Variants in DSEL observed in about 807,000 individuals in gnomAD.
The protein encoded by DSEL is dermatan-sulfate epimerase-like protein.
DSEL carries 61 observed loss-of-function variants against 96.6 expected under a neutral mutation model. The ratio of observed to expected loss-of-function variants is 0.63; its 90% CI spans 0.51 to 0.78. The LOEUF (loss-of-function observed/expected upper bound fraction) is 0.78, where lower values mean the gene tolerates loss of function less well. Among genes scored for constraint, DSEL ranks in the 30% least tolerant of loss-of-function variants. The pLI, the probability that DSEL is intolerant of heterozygous loss-of-function variation, is 0.00. For synonymous variants in DSEL, 514 were observed against 502.0 expected (o/e 1.02, Z -0.32); for missense variants, 1,320 against 1,430.8 (o/e 0.92, Z 1.25).
chr18:67,512,048 T>A lies in DSEL; in HGVS notation c.2561A>T (p.Asp854Val). 1.2e-6 allele frequency: 2 copies of A among 1,614,092 alleles called. No individual in the cohort carries two copies. Among genetic ancestry groups the A allele is most frequent in the Non-Finnish European group, 8.5e-7 (1 of 1,180,016 alleles). The change falls in exon 2 of 2, where the codon GAT (aspartate) becomes GTT (valine). Residue 854 changes from aspartate to valine, a missense_variant. Asp to Val is a radical substitution (Grantham distance 152). Around this residue, in one of 3 missense-constraint regions of DSEL, gnomAD observed 986 missense variants for 1,066.4 expected, o/e 0.92. Coordinates refer to ENST00000310045, the MANE Select transcript of DSEL (RefSeq NM_032160.3). ...ACCAGGAAGTGAGGTAATGACAACA[T>A]CAGGAAGATCCATGTGGTGCCCTTC... Reference protein sequence around the residue: ...SSEGHHMDLPDVVITSLPGSG... With the variant: ...SSEGHHMDLPVVVITSLPGSG...
chr18:67,511,123 A>G lies in DSEL; in HGVS notation c.3486T>C (p.Ser1162=), dbSNP rs770806353. ...ASLNQILFAT[S]TNLFYLPYEG... ...CATAGGGAAGGTAAAAAAGGTTTGT[A>G]GAGGTGGCAAACAATATTTGGTTTA... The change falls in exon 2 of 2, where the codon TCT becomes TCC. Residue 1162 remains serine, a synonymous_variant. Transcript: ENST00000310045. 2 of 1,614,188 alleles carry G rather than the reference A, an allele frequency of 1.2e-6. No individual in the cohort carries two copies. Among genetic ancestry groups the G allele is most frequent in the South Asian group, 2.2e-5 (2 of 91,080 alleles).
Position 67,513,588 on chromosome 18 carries a change from C to T in DSEL, c.1021G>A (p.Glu341Lys). The change falls in exon 2 of 2, where the codon GAA (glutamate) becomes AAA (lysine). Residue 341 changes from glutamate to lysine, a missense_variant. By Grantham distance (56) the Glu-to-Lys change is moderately conservative. Transcript: ENST00000310045. ...DSNYNWFYGP[E>K]SQLVFLDKFI... is the part of the protein sequence containing the mutation. ...TTATCCAAGAAAACTAGCTGGCTTTCTGGACCATAAAACCAATTATAATTG... is the reference window on the plus strand; with the variant it reads ...TTATCCAAGAAAACTAGCTGGCTTTTTGGACCATAAAACCAATTATAATTG... 1 of 1,614,176 alleles carries T rather than the reference C, an allele frequency of 6.2e-7. No homozygotes were observed. The highest frequency in any genetic ancestry group is 8.5e-7 in the Non-Finnish European group (1 of 1,180,030).
In DSEL at chr18:67,514,572, C is replaced by T. The variant is rs879154535; in HGVS notation, c.37G>A (p.Ala13Thr). ...GTAGAGAAAGCAAACATCAATAATG[C>T]TAAGAATAGTAAATGTCCTGTAAAC... ...LMFTGHLLFLALLMFAFSTFE... is the reference protein window; with the variant it reads ...LMFTGHLLFLTLLMFAFSTFE... The change falls in exon 2 of 2, where the codon GCA becomes ACA. Residue 13 changes from alanine to threonine, a missense_variant. Transcript: ENST00000310045. The T allele has an allele frequency of 2.5e-6, 4 of 1,614,026 alleles. No individual in the cohort carries two copies. In the African/African-American group the frequency reaches 4.0e-5, roughly 16 times the overall value.
chr18:67,511,324 T>G lies in DSEL; in HGVS notation c.3285A>C (p.Ala1095=). Residue 1095 remains alanine (A), a synonymous_variant, in exon 2 of 2, where the codon GCA becomes GCC. Transcript: ENST00000310045. ...RKELSKSKSN[A]VSLLSHLWLA... ...GCCACAAGTGAGACAAGAGGGACAC[T>G]GCATTTGATTTGGATTTTGATAATT... The G allele has an allele frequency of 6.2e-7, 1 of 1,606,716 alleles. No homozygotes were observed. The highest frequency in any genetic ancestry group is 1.3e-5 in the African/African-American group (1 of 75,060).
chr18:67,508,606 G>A lies in DSEL; in HGVS notation c.*2364C>T, dbSNP rs1032179842. ...CCTGTACCTTTCTTTTGCTATCAAT[G>A]ACGTGTTCCCATATTCATTCTCAGT... On this transcript the variant is annotated 3_prime_UTR_variant, in exon 2 of 2. Transcript: ENST00000310045. The A allele has an allele frequency of 6.6e-6, 1 of 152,044 alleles. No homozygotes were observed. Among genetic ancestry groups the A allele is most frequent in the African/African-American group, 2.4e-5 (1 of 41,376 alleles). The allele number at this position is 152,044 out of a possible 1,614,324, so 9.4% of individuals were successfully genotyped here. A position where few individuals can be genotyped will look rare whatever the true frequency, so the allele number is the denominator to read the frequency against.
rs773042057 is a variant in DSEL, at chr18:67,511,413, CCTCT to C, written c.3192_3195del (p.Ile1064MetfsTer9). ...TTTAAGTTACATTTGCCTTTACCTC[CCTCT>C]ATTTTAAACAATTTTGCTAAATGCT... On this transcript the variant is annotated frameshift_variant, in exon 2 of 2. Transcript: ENST00000310045. LOFTEE classifies it high-confidence loss of function. The C allele has an allele frequency of 2.4e-5, 39 of 1,603,940 alleles. No individual in the cohort carries two copies. Among genetic ancestry groups the C allele is most frequent in the South Asian group, 2.0e-4 (18 of 91,056 alleles).
At position 67,512,173 on chromosome 18, in the gene DSEL, C is replaced by A. The variant is rs144626811; in HGVS notation, c.2436G>T (p.Trp812Cys). ...TCCACACATCCAAAAGCTCAATAAA[C>A]CACAAGGCAATAACAAGTATTAATA... ...RWILILVIAL[W>C]FIELLDVWST... is the part of the protein sequence containing the mutation. The change falls in exon 2 of 2, where the codon TGG becomes TGT. Residue 812 changes from tryptophan to cysteine, a missense_variant. Physicochemically the swap from Trp to Cys is radical, Grantham distance 215. Transcript: ENST00000310045. The A allele has an allele frequency of 1.3e-4, 215 of 1,614,038 alleles. No individual in the cohort carries two copies. Among genetic ancestry groups the A allele is most frequent in the Non-Finnish European group, 1.8e-4 (207 of 1,180,044 alleles).
chr18:67,513,629 A>G lies in DSEL; in HGVS notation c.980T>C (p.Val327Ala). 1 of 1,614,164 alleles carries G rather than the reference A, an allele frequency of 6.2e-7. No homozygotes were observed. Among genetic ancestry groups the G allele is most frequent in the African/African-American group, 1.3e-5 (1 of 75,042 alleles). Residue 327 changes from valine (V) to alanine (A), a missense_variant, in exon 2 of 2, where the codon GTG becomes GCG. Transcript: ENST00000310045. ...ATLLPGFQRT[V>A]GIADSNYNWF... ...ATTATAATTGGAATCTGCTATACCC[A>G]CAGTTCTTTGGAAGCCAGGTAAAAG...
chr18:67,513,948 G>A lies in DSEL; in HGVS notation c.661C>T (p.Leu221Phe), dbSNP rs773735526. The A allele has an allele frequency of 2.5e-6, 4 of 1,614,168 alleles. No individual in the cohort carries two copies. The South Asian group carries it at 4.4e-5, about 18-fold the overall frequency. Reference sequence around the variant, plus strand: ...ATATTAGTGGCTTGGTGGTTATGGAGAAGCTGTTTGCCCCATGAGCGGACC... The same window carrying A: ...ATATTAGTGGCTTGGTGGTTATGGAAAAGCTGTTTGCCCCATGAGCGGACC... ...SKVRSWGKQL[L>F]HNHQATNMIA... The change falls in exon 2 of 2, where the codon CTC becomes TTC. Residue 221 changes from leucine to phenylalanine, a missense_variant. Coordinates refer to ENST00000310045, the MANE Select transcript of DSEL (RefSeq NM_032160.3).
In DSEL at chr18:67,510,850, G is replaced by A. The variant is rs145623032; in HGVS notation, c.*120C>T. ...ACAATCTCTCTGTGCAAACAACACTGAACACATACACGCGTGCACACACAC... is the reference window on the plus strand; with the variant it reads ...ACAATCTCTCTGTGCAAACAACACTAAACACATACACGCGTGCACACACAC... On this transcript the variant is annotated 3_prime_UTR_variant, in exon 2 of 2. Coordinates refer to ENST00000310045, the MANE Select transcript of DSEL (RefSeq NM_032160.3). The A allele has an allele frequency of 2.6e-6, 2 of 767,220 alleles. No homozygotes were observed. The highest frequency in any genetic ancestry group is 4.3e-5 in the South Asian group (2 of 46,390). 47.5% of individuals were successfully genotyped at this position (767,220 alleles called of 1,614,324 possible). A position where few individuals can be genotyped will look rare whatever the true frequency, so the allele number is the denominator to read the frequency against.
rs1310535860 is a variant in DSEL, at chr18:67,512,881, T to G, written c.1728A>C (p.Leu576Phe). Residue 576 changes from leucine to phenylalanine, a missense_variant, in exon 2 of 2, where the codon TTA becomes TTC. Leu to Phe is a conservative substitution (Grantham distance 22). Around this residue, in one of 3 missense-constraint regions of DSEL, gnomAD observed 986 missense variants for 1,066.4 expected, o/e 0.92. Transcript: ENST00000310045. ...CAACAACTAGCAGAGTTTGGGAATT[T>G]AAGAGAAGCAAAGCACGATATACAC... ...LKSVYRALLL[L>F]NSQTLLVVDH... is the part of the protein sequence containing the mutation. The G allele has an allele frequency of 6.2e-7, 1 of 1,614,198 alleles. No homozygotes were observed.
At position 67,506,710 on chromosome 18, in the gene DSEL, C is replaced by T. The variant is rs1046753385; in HGVS notation, c.*4260G>A. Reference sequence around the variant, plus strand: ...AACTAGATAACGTATGAAGGAAAAACGACGACGAACAAAAAATTAATTGCT... The same window carrying T: ...AACTAGATAACGTATGAAGGAAAAATGACGACGAACAAAAAATTAATTGCT... On this transcript the variant is annotated 3_prime_UTR_variant, in exon 2 of 2. Coordinates refer to ENST00000310045, the MANE Select transcript of DSEL (RefSeq NM_032160.3). 5.9e-5 allele frequency: 9 copies of T among 151,872 alleles called. No homozygotes were observed. Among genetic ancestry groups the T allele is most frequent in the Non-Finnish European group, 1.0e-4 (7 of 67,966 alleles). 9.4% of individuals were successfully genotyped at this position (151,872 alleles called of 1,614,324 possible).
At position 67,512,529 on chromosome 18, in the gene DSEL, A is replaced by C; in HGVS notation, c.2080T>G (p.Phe694Val). 6.2e-7 allele frequency: 1 copy of C among 1,614,106 alleles called. No individual in the cohort carries two copies. The highest frequency in any genetic ancestry group is 1.1e-5 in the South Asian group (1 of 91,086). Residue 694 changes from phenylalanine (F) to valine (V), a missense_variant, in exon 2 of 2, where the codon TTT (phenylalanine) becomes GTT (valine). Physicochemically the swap from Phe to Val is conservative, Grantham distance 50. This residue lies in a region of DSEL where 986 missense variants were observed against 1,066.4 expected (regional missense o/e 0.92). Coordinates refer to ENST00000310045, the MANE Select transcript of DSEL (RefSeq NM_032160.3). ...AGTCCAGGATTGGAACTATCAATAAATCTGCAGCTGGAGACATTGATATAT... is the reference window on the plus strand; with the variant it reads ...AGTCCAGGATTGGAACTATCAATAACTCTGCAGCTGGAGACATTGATATAT... Reference protein sequence around the residue: ...GPYINVSSCRFIDSSNPGLQI... With the variant: ...GPYINVSSCRVIDSSNPGLQI...
Position 67,510,670 on chromosome 18 carries a change from A to T in DSEL, c.*300T>A. ...ATGAAGGGGAGTTAGACAAAAACTT[A>T]AAATTTTCCCATCTCCCCTGACCCC... On this transcript the variant is annotated 3_prime_UTR_variant, in exon 2 of 2. Transcript: ENST00000310045. 3.2e-6 allele frequency: 1 copy of T among 316,978 alleles called. No individual in the cohort carries two copies. The highest frequency in any genetic ancestry group is 5.7e-6 in the Non-Finnish European group (1 of 174,988). 19.6% of individuals were successfully genotyped at this position (316,978 alleles called of 1,614,324 possible).
rs756527801 is a variant in DSEL at position 67,514,275 on chromosome 18, C to A, written c.334G>T (p.Asp112Tyr). 6.2e-7 allele frequency: 1 copy of A among 1,614,210 alleles called. No homozygotes were observed. Among genetic ancestry groups the A allele is most frequent in the Non-Finnish European group, 8.5e-7 (1 of 1,180,034 alleles). Residue 112 changes from aspartate (D) to tyrosine (Y), a missense_variant, in exon 2 of 2, where the codon GAT becomes TAT. By Grantham distance (160) the Asp-to-Tyr change is radical. Around this residue, in one of 3 missense-constraint regions of DSEL, gnomAD observed 323 missense variants for 333.1 expected, o/e 0.97. Coordinates refer to ENST00000310045, the MANE Select transcript of DSEL (RefSeq NM_032160.3). ...ATTTCATTCCACTTGGCAGCAAAATCAGCATGCTTTGGTGGAGGTAGGTAG... is the reference window on the plus strand; with the variant it reads ...ATTTCATTCCACTTGGCAGCAAAATAAGCATGCTTTGGTGGAGGTAGGTAG... ...TYYLPPPKHA[D>Y]FAAKWNEIYG...
chr18:67,514,160 T>C lies in DSEL; in HGVS notation c.449A>G (p.Asp150Gly), dbSNP rs1388107636. 1 of 1,614,212 alleles carries C rather than the reference T, an allele frequency of 6.2e-7. No homozygotes were observed. The highest frequency in any genetic ancestry group is 1.1e-5 in the South Asian group (1 of 91,086). ...VAFEFVLEYMDRMVGYKDWLV... is the reference protein window; with the variant it reads ...VAFEFVLEYMGRMVGYKDWLV... ...CCAGTCTTTGTAGCCAACCATCCTG[T>C]CCATATATTCCAAGACAAATTCAAA... The change falls in exon 2 of 2, where the codon GAC becomes GGC. Residue 150 changes from aspartate (D) to glycine (G), a missense_variant. By Grantham distance (94) the Asp-to-Gly change is moderately conservative. This residue lies in a region of DSEL where 323 missense variants were observed against 333.1 expected (regional missense o/e 0.97). Transcript: ENST00000310045.
chr18:67,509,323 C>T lies in DSEL; in HGVS notation c.*1647G>A, dbSNP rs1318778904. The T allele has an allele frequency of 6.6e-6, 1 of 152,206 alleles. No individual in the cohort carries two copies. The allele number at this position is 152,206 out of a possible 1,614,324, so 9.4% of individuals were successfully genotyped here. A position where few individuals can be genotyped will look rare whatever the true frequency, so the allele number is the denominator to read the frequency against. ...TAGCATTTTATATGCTTGCCGGTAA[C>T]TCTGAGATAGAATGAATAATCTTTC... is the stretch of plus-strand genomic sequence containing the variant. On this transcript the variant is annotated 3_prime_UTR_variant, in exon 2 of 2. Coordinates refer to ENST00000310045, the MANE Select transcript of DSEL (RefSeq NM_032160.3).
In DSEL at chr18:67,514,438, C is replaced by A; in HGVS notation, c.171G>T (p.Lys57Asn). ...VQDFRPNQKL[K>N]KSMLHPSLYF... ...ATAAACTTGGATGAAGCATACTTTT[C>A]TTCAGCTTTTGGTTGGGTCTGAAAT... Residue 57 changes from lysine to asparagine, a missense_variant, in exon 2 of 2, where the codon AAG becomes AAT. Around this residue, in one of 3 missense-constraint regions of DSEL, gnomAD observed 323 missense variants for 333.1 expected, o/e 0.97. Coordinates refer to ENST00000310045, the MANE Select transcript of DSEL (RefSeq NM_032160.3). 6.2e-7 allele frequency: 1 copy of A among 1,614,098 alleles called. No homozygotes were observed. Among genetic ancestry groups the A allele is most frequent in the Non-Finnish European group, 8.5e-7 (1 of 1,180,024 alleles).
Position 67,511,496 on chromosome 18 carries a change from TA to T in DSEL, c.3112del (p.Tyr1038IlefsTer14), listed in dbSNP as rs1353970205. 1 of 1,612,908 alleles carries T rather than the reference TA, an allele frequency of 6.2e-7. No homozygotes were observed. Among genetic ancestry groups the T allele is most frequent in the Non-Finnish European group, 8.5e-7 (1 of 1,180,024 alleles). ...YIVRDPRAWI[Y>X]SMLYNSKPSL... Reference sequence around the variant, plus strand: ...TGGTTTACTATTGTACAACATTGAATAAATCCATGCCCGAGGGTCTCTTACT... The same window carrying T: ...TGGTTTACTATTGTACAACATTGAATAATCCATGCCCGAGGGTCTCTTACT... On this transcript the variant is annotated frameshift_variant, in exon 2 of 2. Coordinates refer to ENST00000310045, the MANE Select transcript of DSEL (RefSeq NM_032160.3). LOFTEE classifies it high-confidence loss of function.
Sources: allele counts gnomAD v4.1 joint callset, GRCh38; gene constraint gnomAD v4.1.1; regional missense constraint gnomAD v4.1.1; transcripts MANE v1.5; gene names NCBI Gene and HGNC (gene_info 2026-07-23, HGNC 2026-07-21).